AAK1: variants seen among roughly 807,000 people sequenced by gnomAD.
The protein encoded by AAK1 is AP2-associated protein kinase 1.
AAK1 carries 37 observed loss-of-function variants against 116.0 expected under a neutral mutation model. The observed-to-expected ratio is 0.32, with a 90% confidence interval of 0.25 to 0.42. AAK1 has a LOEUF of 0.42. Ranked by LOEUF, AAK1 falls within the 10% of genes least tolerant of loss-of-function variation. The pLI is 1.00. For synonymous variants in AAK1, 458 were observed against 439.9 expected (o/e 1.04, Z -0.51); for missense variants, 919 against 1,170.6 (o/e 0.79, Z 3.14).
At chr2:69,594,344 G>A (rs1173225756) in intron 2 of AAK1, among the ~76,000 whole-genome samples, 1 of 152,190 alleles carries the variant, frequency 6.6e-6, no homozygotes, top group Non-Finnish European at 1.5e-5. Context: ...TAGGGTAAGA[G>A]CTGTACCTCC....
At chr2:69,637,865 C>T (rs1675519374) in intron 2 of AAK1, among the ~76,000 whole-genome samples, 1 of 152,044 alleles carries the variant, frequency 6.6e-6, no homozygotes, top group African/African-American at 2.4e-5. Context: ...CCCCTCATAC[C>T]CTCCCACTCA....
In AAK1 at chr2:69,480,691, T is replaced by C. The variant is rs1435171175; in HGVS notation, c.2569+169A>G. Among the ~76,000 whole-genome samples, 5 of 151,852 alleles carry C rather than the reference T, an allele frequency of 3.3e-5. No homozygotes were observed. The South Asian group carries it at 8.3e-4, about 25-fold the overall frequency. Reference sequence around the variant, plus strand: ...TACTCAGTTCTTTAGCAAGGAAATATATCACTCAACATCTAGAAGCCGGGG... The same window carrying C: ...TACTCAGTTCTTTAGCAAGGAAATACATCACTCAACATCTAGAAGCCGGGG... On this transcript the variant is annotated intron_variant, in intron 19 of 21. Transcript: ENST00000409085.
At position 69,471,756 on chromosome 2, in the gene AAK1, A is replaced by G. The variant is rs1218906921; in HGVS notation, c.*4113T>C. 3.3e-5 allele frequency: 33 copies of G among 985,378 alleles called. No homozygotes were observed. The highest frequency in any genetic ancestry group is 4.0e-5 in the Non-Finnish European group (33 of 829,962). The allele number at this position is 985,378 out of a possible 1,614,324, so 61.0% of individuals were successfully genotyped here. A position where few individuals can be genotyped will look rare whatever the true frequency, so the allele number is the denominator to read the frequency against. On this transcript the variant is annotated 3_prime_UTR_variant, in exon 22 of 22. Coordinates refer to ENST00000409085, the MANE Select transcript of AAK1 (RefSeq NM_014911.5). Reference sequence around the variant, plus strand: ...AGCTGAGTGCAGATCCCTCCACATCATAGGCTGTCAGCCCCAAAGATCCCT... The same window carrying G: ...AGCTGAGTGCAGATCCCTCCACATCGTAGGCTGTCAGCCCCAAAGATCCCT...
chr2:69,487,634 T>G (rs1675348303), intron 17 of AAK1, among the ~76,000 whole-genome samples: 1 of 152,166 alleles, frequency 6.6e-6, no homozygotes, highest in Non-Finnish European at 1.5e-5. Context: ...TCTCAATTAT[T>G]TAAGGGGATA....
chr2:69,636,860 C>A (rs989778752), intron 2 of AAK1, among the ~76,000 whole-genome samples: 1 of 152,012 alleles, frequency 6.6e-6, no homozygotes, highest in Admixed American at 6.6e-5. Context: ...CCACCACGCC[C>A]GGCTAATTTT....
chr2:69,529,933 C>G, intron 8 of AAK1, 75 bp downstream of exon 8: 1 of 1,295,698 alleles, frequency 7.7e-7, no homozygotes. Flanking sequence ...CTCCTGGAAT[C>G]TAATCCCTTT....
At chr2:69,586,129 T>C (rs1356751116) in intron 2 of AAK1, among the ~76,000 whole-genome samples, 5 of 152,188 alleles carry the variant, frequency 3.3e-5, no homozygotes, top group African/African-American at 1.2e-4. Context: ...TTAAAAAGAA[T>C]AGCAAAGAGA....
chr2:69,594,720 T>C (rs1012841925), intron 2 of AAK1: 18 of 707,682 alleles, frequency 2.5e-5, no homozygotes, highest in Admixed American at 1.1e-4. Context: ...ATTGTCTTCA[T>C]AATAAAAGAA....
intron 2 of AAK1, among the ~76,000 whole-genome samples, chr2:69,606,001 C>A (rs190893598): frequency 6.6e-6 from 1 of 152,300 alleles, no homozygotes; most frequent in East Asian, 1.9e-4. Flanking sequence ...ACTCACTATT[C>A]CAGCTACACA....
chr2:69,599,846 C>T (rs768174541), intron 2 of AAK1, among the ~76,000 whole-genome samples: 1 of 152,076 alleles, frequency 6.6e-6, no homozygotes, highest in Non-Finnish European at 1.5e-5. Flanking sequence ...GGTATGATCA[C>T]GGCTCACTGC....
intron 11 of AAK1, among the ~76,000 whole-genome samples, chr2:69,520,350 A>ATTCTT (rs1330009604): frequency 1.5e-4 from 23 of 148,664 alleles, no homozygotes; most frequent in African/African-American, 5.8e-4. Context: ...TTGCGATACA[A>ATTCTT]TTCTTTTCTT....
chr2:69,499,751 A>C (rs1471898186), intron 16 of AAK1: 1 of 152,256 alleles, frequency 6.6e-6, no homozygotes, highest in Non-Finnish European at 1.5e-5. Flanking sequence ...AAAAGAAAAA[A>C]AGCAAACTGC....
At chr2:69,618,366 A>G (rs1281987386) in intron 2 of AAK1, among the ~76,000 whole-genome samples, 1 of 152,174 alleles carries the variant, frequency 6.6e-6, no homozygotes, top group East Asian at 1.9e-4. Flanking sequence ...AATACCTAAC[A>G]ATAAAAACAA....
chr2:69,508,013 G>A (rs1404067487), intron 14 of AAK1, among the ~76,000 whole-genome samples: 2 of 152,120 alleles, frequency 1.3e-5, no homozygotes, highest in African/African-American at 2.4e-5. Context: ...AGCCCACAGT[G>A]TTTTCCTAAA....
intron 11 of AAK1, 74 bp from the exon 12 acceptor site, chr2:69,519,314 C>G: frequency 3.4e-6 from 5 of 1,464,368 alleles, no homozygotes; most frequent in Non-Finnish European, 4.5e-6. Flanking sequence ...CTTGCCAAAA[C>G]AACTAATAGG....
intron 2 of AAK1, among the ~76,000 whole-genome samples, chr2:69,640,186 T>C (rs1675657063): frequency 1.3e-5 from 2 of 152,048 alleles, no homozygotes; most frequent in Admixed American, 1.3e-4. Flanking sequence ...CATTTAATCT[T>C]CATGACCAGC....
At chr2:69,575,628 CG>C (rs1321291698) in intron 2 of AAK1, among the ~76,000 whole-genome samples, 3 of 152,116 alleles carry the variant, frequency 2.0e-5, no homozygotes, top group Admixed American at 6.5e-5. Context: ...GCCAACATGT[CG>C]GCTAATTTTT....
chr2:69,552,127 T>A (rs1178600318), intron 3 of AAK1, among the ~76,000 whole-genome samples: 5 of 152,072 alleles, frequency 3.3e-5, no homozygotes, highest in Admixed American at 3.3e-4. Flanking sequence ...TACATAGGAC[T>A]TCAGATTTAA....
chr2:69,520,105 C>T, intron 11 of AAK1: 1 of 234,662 alleles, frequency 4.3e-6, no homozygotes. Context: ...TCCCCTAGCC[C>T]ATTTCAATGT....
Sources: gnomAD v4.1 joint callset for allele counts (sites outside exome capture counted in the v4.1 genomes callset) on GRCh38, gnomAD v4.1.1 for gene constraint, MANE v1.5 for transcripts, NCBI Gene and HGNC (gene_info 2026-07-23, HGNC 2026-07-21) for gene names.